The following PCYT1B variants were observed in gnomAD, a reference collection of about 807,000 sequenced individuals.
PCYT1B encodes phosphate cytidylyltransferase 1B, choline.
A neutral mutation model predicts 26.4 loss-of-function variants in PCYT1B; 10 were observed. That is an observed-to-expected ratio of 0.38 (90% CI 0.23 to 0.64). PCYT1B has a LOEUF of 0.64. Ranked by LOEUF, PCYT1B falls within the 30% of genes least tolerant of loss-of-function variation. PCYT1B has a pLI of 0.56. For missense variants in PCYT1B, 161 were observed against 292.7 expected (o/e 0.55, Z 3.28); for synonymous variants, 131 against 108.4 (o/e 1.21, Z -1.29).
At chrX:24,583,482 G>A (rs528055685) in intron 5 of PCYT1B, among the ~76,000 whole-genome samples, 2 of 112,217 alleles carry the variant, frequency 1.8e-5, no homozygotes, top group East Asian at 2.8e-4. Flanking sequence ...ACAAAATCAT[G>A]AGTGAAATCA....
intron 1 of PCYT1B, among the ~76,000 whole-genome samples, chrX:24,633,748 T>A (rs970605770): frequency 8.9e-6 from 1 of 111,786 alleles, no homozygotes; most frequent in South Asian, 3.7e-4. Context: ...CCATACGAAC[T>A]TAACTCTTGT....
intron 7 of PCYT1B, among the ~76,000 whole-genome samples, chrX:24,563,969 G>A (rs1012365107): frequency 1.8e-5 from 2 of 110,958 alleles, no homozygotes; most frequent in African/African-American, 3.3e-5. Flanking sequence ...ATCATTTGAG[G>A]TCAGGAGATC....
intron 5 of PCYT1B, among the ~76,000 whole-genome samples, chrX:24,583,610 T>C (rs1204656847): frequency 8.9e-6 from 1 of 112,059 alleles, no homozygotes; most frequent in Non-Finnish European, 1.9e-5. Flanking sequence ...AACTGGAACT[T>C]GACATTTTAT....
chrX:24,621,988 G>T (rs894960815), intron 1 of PCYT1B: 7 of 127,154 alleles, frequency 5.5e-5, no homozygotes, highest in African/African-American at 1.9e-4. Context: ...AATTATTATG[G>T]CCTAGAAGTA....
chrX:24,590,286 G>A, intron 3 of PCYT1B, 112 bp from the exon 4 acceptor site: 1 of 608,687 alleles, frequency 1.6e-6, no homozygotes, highest in Admixed American at 3.8e-5. Context: ...GCCTCGCTAG[G>A]TGCTTGTCAT....
At chrX:24,649,384 A>AC (rs1926718293), upstream of PCYT1B, among the ~76,000 whole-genome samples, 1 of 111,760 alleles carries the variant, frequency 8.9e-6, no homozygotes, top group African/African-American at 3.3e-5. Context: ...CCCACCCCAG[A>AC]CCTACTGAAT....
chrX:24,638,771 T>C (rs1369470367), intron 1 of PCYT1B, among the ~76,000 whole-genome samples: 1 of 111,673 alleles, frequency 9.0e-6, no homozygotes, highest in Non-Finnish European at 1.9e-5. Flanking sequence ...TGGACAACAT[T>C]GATTAAGAAA....
chrX:24,654,833 A>G (rs1264951302), intron 1 of PCYT1B, among the ~76,000 whole-genome samples: 2 of 108,903 alleles, frequency 1.8e-5, no homozygotes, highest in Non-Finnish European at 3.8e-5. Flanking sequence ...TAAAGATGAC[A>G]GAAGAATTTC....
chrX:24,564,934 C>T (rs1024052150), intron 7 of PCYT1B, among the ~76,000 whole-genome samples: 1 of 110,827 alleles, frequency 9.0e-6, no homozygotes, highest in Non-Finnish European at 1.9e-5. Flanking sequence ...AATCAAGTGA[C>T]TGCAGTCTCG....
Position 24,562,026 on chromosome X carries a change from ATCCT to A in PCYT1B, c.*263_*266del. ...TGCAAGTCTCTCTAGGGAACTCTGCATCCTTCCTTAGCAAGGTTAGAGTGACTCT... is the reference window on the plus strand; with the variant it reads ...TGCAAGTCTCTCTAGGGAACTCTGCATCCTTAGCAAGGTTAGAGTGACTCT... On this transcript the variant is annotated 3_prime_UTR_variant, in exon 8 of 8. Transcript: ENST00000379144. The A allele has an allele frequency of 8.9e-7, 1 of 1,125,929 alleles. No individual in the cohort carries two copies. Among genetic ancestry groups the A allele is most frequent in the Non-Finnish European group, 1.2e-6 (1 of 819,030 alleles). 92.8% of individuals were successfully genotyped at this position (1,125,929 alleles called of 1,213,427 possible).
Position 24,577,533 on chromosome X carries a change from C to G in PCYT1B, c.708+1783G>C, listed in dbSNP as rs764537851. ...TTCAGCCACTTGTTCCAGTGCCACT[C>G]AAACCTGACATTTTCCGACATTTCC... On this transcript the variant is annotated intron_variant, in intron 6 of 7. Coordinates refer to ENST00000379144, the MANE Select transcript of PCYT1B (RefSeq NM_004845.5). Among the ~76,000 whole-genome samples the G allele has an allele frequency of 2.7e-5, 3 of 111,584 alleles. No individual in the cohort carries two copies. In the South Asian group the frequency reaches 1.2e-3, roughly 43 times the overall value.
chrX:24,607,722 C>G, intron 3 of PCYT1B, 23 bp downstream of exon 3: 1 of 892,409 alleles, frequency 1.1e-6, no homozygotes. Context: ...GTTTTCTAGA[C>G]AAAAAGAAAA....
chrX:24,598,680 T>G (rs1382972007), intron 3 of PCYT1B, among the ~76,000 whole-genome samples: 1 of 112,490 alleles, frequency 8.9e-6, no homozygotes, highest in Non-Finnish European at 1.9e-5. Context: ...TTATATTAGA[T>G]CTACATCATT....
In PCYT1B at chrX:24,647,159, A is replaced by G; in HGVS notation, c.-54T>C. The G allele has an allele frequency of 8.5e-7, 1 of 1,182,646 alleles. No homozygotes were observed. Among genetic ancestry groups the G allele is most frequent in the Non-Finnish European group, 1.1e-6 (1 of 880,812 alleles). On this transcript the variant is annotated 5_prime_UTR_variant, in exon 1 of 8. Transcript: ENST00000379144. ...ACCCTCAGAGAGTCTCCTCCCAGGC[A>G]GAGAATGTTTTCTTTGTCACGTATT...
intron 2 of PCYT1B, among the ~76,000 whole-genome samples, chrX:24,617,720 T>C (rs1004324380): frequency 9.0e-6 from 1 of 111,280 alleles, no homozygotes; most frequent in Non-Finnish European, 1.9e-5. Context: ...AGTGCTGGGA[T>C]TACAGGCATG....
At chrX:24,589,196 A>G (rs1924472316) in intron 4 of PCYT1B, among the ~76,000 whole-genome samples, 1 of 111,776 alleles carries the variant, frequency 8.9e-6, no homozygotes, top group African/African-American at 3.2e-5. Context: ...TTTTCTTTTT[A>G]TTCTCACTGG....
chrX:24,658,506 CTTTTTTTT>C (rs1203809740), intron 1 of PCYT1B, among the ~76,000 whole-genome samples: 596 of 58,835 alleles, frequency 0.01, 3 homozygotes, highest in African/African-American at 0.034. Flanking sequence ...TGTTTCATTG[CTTTTTTTT>C]TTTTTTTTTT....
intron 1 of PCYT1B, among the ~76,000 whole-genome samples, chrX:24,654,627 C>A (rs1334368714): frequency 9.6e-6 from 1 of 104,112 alleles, no homozygotes; most frequent in Non-Finnish European, 2.0e-5. Context: ...GTAGCATGTA[C>A]CTGTAGTTCC....
At chrX:24,613,866 T>C (rs962181760) in intron 2 of PCYT1B, among the ~76,000 whole-genome samples, 2 of 106,275 alleles carry the variant, frequency 1.9e-5, no homozygotes, top group Admixed American at 2.1e-4. Context: ...ATTGGGAGGA[T>C]TGCTTGGGCC....
Sources: allele counts gnomAD v4.1 joint callset (sites outside exome capture counted in the v4.1 genomes callset), GRCh38; gene constraint gnomAD v4.1.1; transcripts MANE v1.5; gene names NCBI Gene and HGNC (gene_info 2026-07-23, HGNC 2026-07-21).